NRXN1: variants seen among roughly 807,000 people sequenced by gnomAD.
NRXN1 encodes neurexin 1.
NRXN1 carries 39 observed loss-of-function variants against 150.9 expected under a neutral mutation model. That is an observed-to-expected ratio of 0.26 (90% confidence interval 0.20 to 0.34). The LOEUF (loss-of-function observed/expected upper bound fraction) is 0.34. Among genes scored for constraint, NRXN1 ranks in the 10% least tolerant of loss-of-function variants. The probability of loss-of-function intolerance (pLI) is 1.00; values close to 1 mark genes in which losing one functional copy is unlikely to be tolerated. For missense variants in NRXN1, 1,815 were observed against 1,949.9 expected (o/e 0.93, Z 1.30); for synonymous variants, 924 against 757.0 (o/e 1.22, Z -3.62).
intron 19 of NRXN1, among the ~76,000 whole-genome samples, chr2:50,084,161 G>T (rs1488620608): frequency 6.6e-6 from 1 of 152,214 alleles, no homozygotes; most frequent in Non-Finnish European, 1.5e-5. Flanking sequence ...AAACTCAGGA[G>T]CCCAGCTGGC....
chr2:50,142,278 T>C (rs925888841), intron 18 of NRXN1, among the ~76,000 whole-genome samples: 16 of 151,692 alleles, frequency 1.1e-4, no homozygotes, highest in Admixed American at 9.9e-4. Context: ...GTGGAGAGTA[T>C]AATGATAGAT....
chr2:50,611,281 T>C (rs1678075050), intron 8 of NRXN1, among the ~76,000 whole-genome samples: 2 of 152,178 alleles, frequency 1.3e-5, no homozygotes, highest in Admixed American at 1.3e-4. Flanking sequence ...CAGACCATGC[T>C]ATGCTAGCTT....
intron 18 of NRXN1, among the ~76,000 whole-genome samples, chr2:50,178,704 A>G (rs2060505395): frequency 1.3e-5 from 2 of 152,152 alleles, no homozygotes; most frequent in African/African-American, 4.8e-5. Flanking sequence ...CTATAGAGGT[A>G]AAACACCTCA....
intron 17 of NRXN1, among the ~76,000 whole-genome samples, chr2:50,279,506 C>G (rs538576723): frequency 1.3e-5 from 2 of 151,842 alleles, no homozygotes; most frequent in Non-Finnish European, 2.9e-5. Flanking sequence ...GGTTGTCTGC[C>G]CCAGGATCAT....
intron 17 of NRXN1, among the ~76,000 whole-genome samples, chr2:50,393,247 G>A (rs578105950): frequency 7.9e-5 from 12 of 151,828 alleles, no homozygotes; most frequent in South Asian, 2.1e-4. Context: ...CATCCAAAGC[G>A]CTAAACATTA....
intron 2 of NRXN1, among the ~76,000 whole-genome samples, chr2:50,932,776 A>C (rs1687953967): frequency 6.6e-6 from 1 of 152,088 alleles, no homozygotes; most frequent in Non-Finnish European, 1.5e-5. Flanking sequence ...ACAAAATATA[A>C]CTACTGGTAT....
chr2:50,422,389 GAA>G (rs1054444048), intron 17 of NRXN1, among the ~76,000 whole-genome samples: 1 of 152,014 alleles, frequency 6.6e-6, no homozygotes, highest in African/African-American at 2.4e-5. Context: ...TTTTCCCAGA[GAA>G]AGACAACCAT....
intron 17 of NRXN1, among the ~76,000 whole-genome samples, chr2:50,464,269 G>GGCA (rs1401305859): frequency 1.3e-5 from 2 of 151,662 alleles, no homozygotes; most frequent in African/African-American, 4.8e-5. Flanking sequence ...CATCTACAGT[G>GGCA]GCATGGTTGT....
intron 21 of NRXN1, among the ~76,000 whole-genome samples, chr2:50,043,743 T>A (rs1001097347): frequency 3.3e-5 from 5 of 152,154 alleles, no homozygotes; most frequent in African/African-American, 1.2e-4. Context: ...CTGGTCTATG[T>A]TTAAGGAAGA....
intron 22 of NRXN1, among the ~76,000 whole-genome samples, chr2:49,934,582 A>T (rs1670678228): frequency 6.6e-6 from 1 of 152,206 alleles, no homozygotes. Flanking sequence ...AAGGTGAAAG[A>T]TTAGATAACT....
chr2:50,710,468 T>C (rs1309413752), intron 5 of NRXN1, among the ~76,000 whole-genome samples: 1 of 152,168 alleles, frequency 6.6e-6, no homozygotes, highest in Non-Finnish European at 1.5e-5. Context: ...CTTGCTTTCC[T>C]TGTACTTGGG....
intron 18 of NRXN1, among the ~76,000 whole-genome samples, chr2:50,216,131 A>C (rs2152850406): frequency 6.6e-6 from 1 of 152,074 alleles, no homozygotes; most frequent in East Asian, 1.9e-4. Context: ...TGAGGCAGGA[A>C]GAATGCTGGA....
At chr2:50,399,371 G>C (rs1337289962) in intron 17 of NRXN1, among the ~76,000 whole-genome samples, 1 of 151,964 alleles carries the variant, frequency 6.6e-6, no homozygotes, top group African/African-American at 2.4e-5. Flanking sequence ...TTCCAGCACT[G>C]TTAGAGGGTA....
intron 17 of NRXN1, among the ~76,000 whole-genome samples, chr2:50,415,872 T>A (rs1488277350): frequency 6.6e-6 from 1 of 151,582 alleles, no homozygotes; most frequent in Non-Finnish European, 1.5e-5. Context: ...CTGTAGAGGC[T>A]TGTAGTTTCA....
At chr2:50,390,837 C>T (rs944800856) in intron 17 of NRXN1, among the ~76,000 whole-genome samples, 2 of 151,990 alleles carry the variant, frequency 1.3e-5, no homozygotes, top group Admixed American at 6.6e-5. Flanking sequence ...GACTTCGCAG[C>T]CACCAGAACT....
intron 15 of NRXN1, among the ~76,000 whole-genome samples, chr2:50,487,323 T>A (rs1307745372): frequency 6.6e-6 from 1 of 152,184 alleles, no homozygotes; most frequent in Non-Finnish European, 1.5e-5. Context: ...ATGCTTCTTG[T>A]ATTGTCCTTA....
intron 22 of NRXN1, among the ~76,000 whole-genome samples, chr2:49,931,491 T>C (rs1301934226): frequency 1.3e-5 from 2 of 152,070 alleles, no homozygotes; most frequent in African/African-American, 4.8e-5. Flanking sequence ...CCCACAGTAC[T>C]GCAAATAGTT....
intron 5 of NRXN1, among the ~76,000 whole-genome samples, chr2:50,876,505 G>C (rs760283601): frequency 6.6e-6 from 1 of 151,788 alleles, no homozygotes; most frequent in Non-Finnish European, 1.5e-5. Flanking sequence ...GTCAAGCCCA[G>C]GGCCTGATGT....
At chr2:50,019,957 AAAAAAAAAAAAAAAAAGAGAG>A in intron 21 of NRXN1, among the ~76,000 whole-genome samples, 1 of 93,008 alleles carries the variant, frequency 1.1e-5, no homozygotes, top group Non-Finnish European at 2.2e-5. Context: ...CAAAAAAAAA[AAAAAAAAAAAAAAAAAGAGAG>A]AGAGAGAGAC....
Sources: gnomAD v4.1 joint callset for allele counts (sites outside exome capture counted in the v4.1 genomes callset) on GRCh38, gnomAD v4.1.1 for gene constraint, MANE v1.5 for transcripts, NCBI Gene and HGNC (gene_info 2026-07-23, HGNC 2026-07-21) for gene names.